Variants in STX17 observed in about 807,000 individuals in gnomAD.
STX17 encodes syntaxin-17.
Under a neutral mutation model 35.9 loss-of-function variants are expected in STX17, and 29 were observed. That is an observed-to-expected ratio of 0.81 (90% CI 0.60 to 1.10). The LOEUF (loss-of-function observed/expected upper bound fraction) is 1.10, where lower values mean the gene tolerates loss of function less well. Among genes scored for constraint, STX17 ranks in the 50% least tolerant of loss-of-function variants. STX17 has a pLI of 0.00. For synonymous variants in STX17, 92 were observed against 118.3 expected (o/e 0.78, Z 1.44); for missense variants, 312 against 352.3 (o/e 0.89, Z 0.92).
At chr9:99,940,771 G>A (rs549348075) in intron 3 of STX17, among the ~76,000 whole-genome samples, 39 of 152,240 alleles carry the variant, frequency 2.6e-4, no homozygotes, top group East Asian at 1.7e-3. Context: ...GTGAGCCACC[G>A]CACCCGGCCT....
At chr9:99,936,583 T>C (rs1292918111) in intron 3 of STX17, among the ~76,000 whole-genome samples, 1 of 152,196 alleles carries the variant, frequency 6.6e-6, no homozygotes, top group Non-Finnish European at 1.5e-5. Context: ...TTTATCTCCT[T>C]GCCTTGCTAG....
intron 2 of STX17, among the ~76,000 whole-genome samples, chr9:99,924,169 G>C (rs1361248442): frequency 6.6e-6 from 1 of 152,172 alleles, no homozygotes; most frequent in East Asian, 1.9e-4. Flanking sequence ...CCAGGGTATG[G>C]GGCAGGACCC....
chr9:99,950,936 C>A, intron 3 of STX17, 124 bp from the exon 4 acceptor site: 1 of 922,710 alleles, frequency 1.1e-6, no homozygotes, highest in Non-Finnish European at 1.6e-6. Flanking sequence ...AAGTATTATG[C>A]TACACCTTCT....
At chr9:99,941,265 A>G (rs191273458) in intron 3 of STX17, among the ~76,000 whole-genome samples, 1 of 152,288 alleles carries the variant, frequency 6.6e-6, no homozygotes, top group Admixed American at 6.5e-5. Context: ...ATATATGACA[A>G]AGAAATTAGA....
At chr9:99,924,522 G>C (rs1475093009) in intron 2 of STX17, among the ~76,000 whole-genome samples, 1 of 152,066 alleles carries the variant, frequency 6.6e-6, no homozygotes, top group African/African-American at 2.4e-5. Context: ...TTGTATTTTT[G>C]ATATTTGGTA....
intron 6 of STX17, chr9:99,967,385 G>T: frequency 3.6e-6 from 1 of 275,880 alleles, no homozygotes; most frequent in Non-Finnish European, 6.9e-6. Flanking sequence ...AGAATAATAT[G>T]TTTGTATGTT....
At chr9:99,954,559 C>T (rs1829670625) in intron 4 of STX17, among the ~76,000 whole-genome samples, 1 of 152,040 alleles carries the variant, frequency 6.6e-6, no homozygotes, top group Non-Finnish European at 1.5e-5. Flanking sequence ...GGTCTTCTAG[C>T]TGTAGACTGT....
chr9:99,908,256 G>C (rs1386777173), intron 1 of STX17, among the ~76,000 whole-genome samples: 3 of 151,644 alleles, frequency 2.0e-5, no homozygotes, highest in African/African-American at 2.4e-5. Flanking sequence ...TGACATCTTG[G>C]GGGGGAGCTT....
chr9:99,915,170 T>G lies in STX17; in HGVS notation c.-62-8T>G. On this transcript the variant is annotated splice_region_variant and splice_polypyrimidine_tract_variant and intron_variant, in intron 1 of 7. Coordinates refer to ENST00000259400, the MANE Select transcript of STX17 (RefSeq NM_017919.3). ...GAAAACATTCTTAAAGAAATATTTT[T>G]CTTTTAGGTTTTTCTATATGAGTGG... 2 of 1,461,250 alleles carry G rather than the reference T, an allele frequency of 1.4e-6. No homozygotes were observed. Among genetic ancestry groups the G allele is most frequent in the Non-Finnish European group, 1.8e-6 (2 of 1,100,444 alleles). 90.5% of individuals were successfully genotyped at this position (1,461,250 alleles called of 1,614,324 possible).
intron 3 of STX17, among the ~76,000 whole-genome samples, chr9:99,940,524 T>A (rs1020999941): frequency 6.3e-5 from 9 of 142,152 alleles, no homozygotes; most frequent in Non-Finnish European, 1.5e-5. Flanking sequence ...CAGGCTGGAG[T>A]GCAGTGGCGT....
chr9:99,916,102 C>T (rs2118311853), intron 2 of STX17: 1 of 455,228 alleles, frequency 2.2e-6, no homozygotes. Context: ...AATTTCCTTA[C>T]TTCACAGCTT....
chr9:99,923,946 A>G (rs1828939204), intron 2 of STX17, among the ~76,000 whole-genome samples: 1 of 152,186 alleles, frequency 6.6e-6, no homozygotes, highest in South Asian at 2.1e-4. Flanking sequence ...AGGAACCTCC[A>G]TGTGATCATC....
intron 4 of STX17, among the ~76,000 whole-genome samples, chr9:99,952,174 A>G (rs545804192): frequency 3.3e-5 from 5 of 152,274 alleles, no homozygotes; most frequent in Admixed American, 1.3e-4. Flanking sequence ...TAAGTAAGTT[A>G]CAAATTAGAG....
At chr9:99,939,569 A>G (rs1305907166) in intron 3 of STX17, among the ~76,000 whole-genome samples, 1 of 152,230 alleles carries the variant, frequency 6.6e-6, no homozygotes, top group Non-Finnish European at 1.5e-5. Flanking sequence ...GAGATGTTAA[A>G]ATGTGGACAA....
chr9:99,964,315 C>T (rs992965778), intron 6 of STX17, among the ~76,000 whole-genome samples: 7 of 152,094 alleles, frequency 4.6e-5, no homozygotes, highest in East Asian at 1.9e-4. Context: ...TATAGCTGTT[C>T]GTCAAGATTT....
chr9:99,910,834 C>G (rs1213430978), intron 1 of STX17, among the ~76,000 whole-genome samples: 2 of 152,096 alleles, frequency 1.3e-5, no homozygotes, highest in Non-Finnish European at 2.9e-5. Flanking sequence ...CCCCTCCTGC[C>G]CCTTCCCATC....
chr9:99,935,171 A>G (rs967135269), intron 3 of STX17, among the ~76,000 whole-genome samples: 1 of 151,992 alleles, frequency 6.6e-6, no homozygotes, highest in Non-Finnish European at 1.5e-5. Context: ...TCTACTAAAA[A>G]TACAAAAAAT....
intron 1 of STX17, chr9:99,907,309 A>G (rs1378467210): frequency 2.6e-5 from 4 of 152,222 alleles, no homozygotes; most frequent in Non-Finnish European, 4.4e-5. Context: ...TATCTCTTCC[A>G]TAAGTCAGAA....
chr9:99,935,958 C>A (rs147223611), intron 3 of STX17, among the ~76,000 whole-genome samples: 1 of 152,202 alleles, frequency 6.6e-6, no homozygotes, highest in East Asian at 1.9e-4. Context: ...ATCAGAGGGT[C>A]AGATCATGGA....
Sources: gnomAD v4.1 joint callset for allele counts (sites outside exome capture counted in the v4.1 genomes callset) on GRCh38, gnomAD v4.1.1 for gene constraint, MANE v1.5 for transcripts, NCBI Gene and HGNC (gene_info 2026-07-23, HGNC 2026-07-21) for gene names.